The following POLK variants were observed in gnomAD, a reference collection of about 807,000 sequenced individuals.
POLK encodes DNA polymerase kappa.
A neutral mutation model predicts 94.0 loss-of-function variants in POLK; 76 were observed. The ratio of observed to expected loss-of-function variants is 0.81; its 90% CI spans 0.67 to 0.98. POLK has a LOEUF of 0.98. POLK is among the 50% of genes least tolerant of loss of function. The pLI, the probability that POLK is intolerant of heterozygous loss-of-function variation, is 0.00. For missense variants in POLK, 954 were observed against 1,010.1 expected, an observed-to-expected ratio of 0.94 and a Z score of 0.75; for synonymous variants, 349 against 325.4, an observed-to-expected ratio of 1.07 and a Z score of -0.78.
chr5:75,553,425 G>T (rs1332976714), intron 3 of POLK, among the ~76,000 whole-genome samples: 1 of 152,108 alleles, frequency 6.6e-6, no homozygotes, highest in Admixed American at 6.5e-5. Context: ...AGAGTTCAAA[G>T]ATCATAAATT....
intron 3 of POLK, among the ~76,000 whole-genome samples, chr5:75,556,919 T>A (rs1770654164): frequency 6.6e-6 from 1 of 151,988 alleles, no homozygotes; most frequent in South Asian, 2.1e-4. Context: ...AAAAATTAAC[T>A]CGGGGTGGTG....
chr5:75,515,954 G>A (rs1768303165), intron 1 of POLK, among the ~76,000 whole-genome samples: 1 of 152,036 alleles, frequency 6.6e-6, no homozygotes, highest in Non-Finnish European at 1.5e-5. Flanking sequence ...GCTCATTGTG[G>A]TTTTGATTTG....
At chr5:75,530,396 C>CTT (rs201266079) in intron 1 of POLK, among the ~76,000 whole-genome samples, 22 of 61,612 alleles carry the variant, frequency 3.6e-4, no homozygotes, top group Non-Finnish European at 4.9e-4. Flanking sequence ...TTCCCTTTTT[C>CTT]TTTTTTTTTT....
chr5:75,566,545 A>G (rs868226110), intron 3 of POLK, among the ~76,000 whole-genome samples: 4 of 152,284 alleles, frequency 2.6e-5, no homozygotes, highest in Middle Eastern at 3.4e-3. Context: ...ACAGTGGGAA[A>G]AGCGTAATAT....
At chr5:75,576,731 A>T (rs748850252) in intron 5 of POLK, 49 bp from the exon 6 acceptor site, 1 of 993,780 alleles carries the variant, frequency 1.0e-6, no homozygotes, top group Non-Finnish European at 1.4e-6. Flanking sequence ...ATGACAGAAG[A>T]AGTTTGCTAT....
At chr5:75,558,867 T>C (rs1053845222) in intron 3 of POLK, among the ~76,000 whole-genome samples, 3 of 152,250 alleles carry the variant, frequency 2.0e-5, no homozygotes, top group Non-Finnish European at 4.4e-5. Context: ...TAAGTGATGC[T>C]AACAACTGTT....
intron 3 of POLK, among the ~76,000 whole-genome samples, chr5:75,559,320 A>G (rs934156444): frequency 3.9e-5 from 6 of 152,144 alleles, no homozygotes; most frequent in African/African-American, 1.2e-4. Context: ...CTCTCTAAGT[A>G]TACTCCACCC....
At chr5:75,511,642 C>T (rs1468458607), upstream of POLK, 11 of 1,503,798 alleles carry the variant, frequency 7.3e-6, no homozygotes, top group African/African-American at 8.3e-5. Flanking sequence ...CCTCCCCTCC[C>T]CTGTCCTTTC....
At chr5:75,576,662 C>T (rs1442580693) in intron 5 of POLK, 118 bp from the exon 6 acceptor site, 1 of 457,616 alleles carries the variant, frequency 2.2e-6, no homozygotes, top group Non-Finnish European at 3.9e-6. Flanking sequence ...GAACTATTGA[C>T]TGCAGGATTG....
At chr5:75,557,165 C>G (rs1770672961) in intron 3 of POLK, among the ~76,000 whole-genome samples, 1 of 152,200 alleles carries the variant, frequency 6.6e-6, no homozygotes, top group Non-Finnish European at 1.5e-5. Flanking sequence ...TTTCTGGGCT[C>G]TGTATTCTGT....
chr5:75,534,679 G>C (rs2112584752), intron 1 of POLK: 1 of 152,292 alleles, frequency 6.6e-6, no homozygotes, highest in Middle Eastern at 3.4e-3. Flanking sequence ...TATATATTTA[G>C]AAAAGTTAGG....
intron 3 of POLK, among the ~76,000 whole-genome samples, chr5:75,566,385 C>T (rs1771271721): frequency 6.6e-6 from 1 of 152,204 alleles, no homozygotes; most frequent in African/African-American, 2.4e-5. Context: ...GGTTCTGTCT[C>T]TCTGGCGTTC....
At chr5:75,541,680 C>A (rs913542049) in intron 1 of POLK, among the ~76,000 whole-genome samples, 5 of 152,172 alleles carry the variant, frequency 3.3e-5, no homozygotes, top group Admixed American at 6.5e-5. Flanking sequence ...CTCAGTGACA[C>A]ATGTAAATGA....
chr5:75,515,803 G>A (rs1479814279), intron 1 of POLK, among the ~76,000 whole-genome samples: 1 of 152,224 alleles, frequency 6.6e-6, no homozygotes, highest in East Asian at 1.9e-4. Flanking sequence ...AGCCATTTTA[G>A]GCCGCCCATG....
chr5:75,609,182 C>G, the POLK span: 1 of 151,902 alleles, frequency 6.6e-6, no homozygotes. Context: ...AAGTAAATTT[C>G]TTGGTTTAGA....
chr5:75,545,833 A>G (rs5744584), intron 1 of POLK, among the ~76,000 whole-genome samples: 2,167 of 152,306 alleles, frequency 0.014, 18 homozygotes, highest in Non-Finnish European at 0.021. Context: ...GTTCCAACAC[A>G]TGTGTTGCCA....
intron 12 of POLK, among the ~76,000 whole-genome samples, chr5:75,595,248 G>GAAAAAAAAAAAAAAAAAAAA (rs58783164): frequency 3.2e-4 from 8 of 24,880 alleles, no homozygotes; most frequent in African/African-American, 5.5e-4. Flanking sequence ...CTCCACCTCA[G>GAAAAAAAAAAAAAAAAAAAA]AAAAAAAAAA....
At chr5:75,511,795 G>A (rs1458892051) in exon 1 of POLK, 3 of 1,551,334 alleles carry the variant, frequency 1.9e-6, no homozygotes, top group African/African-American at 2.7e-5. Context: ...TAGAAAAGCA[G>A]GAGGAGCGGA....
intron 3 of POLK, among the ~76,000 whole-genome samples, chr5:75,562,392 G>C (rs930827192): frequency 6.6e-6 from 1 of 152,166 alleles, no homozygotes; most frequent in African/African-American, 2.4e-5. Context: ...TTGCTTATCA[G>C]CTTAAGGAGT....
Sources: allele counts gnomAD v4.1 joint callset (sites outside exome capture counted in the v4.1 genomes callset), GRCh38; gene constraint gnomAD v4.1.1; transcripts MANE v1.5; gene names NCBI Gene and HGNC (gene_info 2026-07-23, HGNC 2026-07-21).